Variants in DPH6 observed in about 807,000 individuals in gnomAD.
DPH6 encodes diphthamine biosynthesis 6, also known as diphthine--ammonia ligase.
DPH6 carries 33 observed loss-of-function variants against 38.2 expected under a neutral mutation model. The observed-to-expected ratio is 0.86, with a 90% CI of 0.65 to 1.15. The LOEUF (loss-of-function observed/expected upper bound fraction) is 1.15, where lower values mean the gene tolerates loss of function less well. Ranked by LOEUF, DPH6 falls within the 50% of genes most tolerant of loss-of-function variation. The probability of loss-of-function intolerance (pLI) is 0.00; values close to 1 mark genes in which losing one functional copy is unlikely to be tolerated. For missense variants in DPH6, 325 were observed against 320.0 expected (o/e 1.02, Z -0.12); for synonymous variants, 108 against 103.0 (o/e 1.05, Z -0.30).
At chr15:35,226,602 T>G (rs559398823) in intron 3 of DPH6, among the ~76,000 whole-genome samples, 36 of 152,196 alleles carry the variant, frequency 2.4e-4, no homozygotes, top group Non-Finnish European at 4.4e-4. Context: ...ACAAATAAAA[T>G]TAAATACCTA....
At chr15:35,506,118 G>A (rs1038328589) in intron 3 of DPH6, among the ~76,000 whole-genome samples, 3 of 152,022 alleles carry the variant, frequency 2.0e-5, no homozygotes, top group Non-Finnish European at 2.9e-5. Flanking sequence ...TTTTCTTCCT[G>A]CATCATCAAG....
chr15:35,256,777 C>A (rs1229502925), intron 3 of DPH6, among the ~76,000 whole-genome samples: 2 of 152,214 alleles, frequency 1.3e-5, no homozygotes, highest in East Asian at 3.9e-4. Context: ...GAACATACAT[C>A]CTGACCTAAA....
chr15:35,164,113 A>C, the DPH6 span, among the ~76,000 whole-genome samples: 1 of 151,834 alleles, frequency 6.6e-6, no homozygotes, highest in Non-Finnish European at 1.5e-5. Context: ...AATGACTCAC[A>C]GTAGATGTAA....
intron 3 of DPH6, among the ~76,000 whole-genome samples, chr15:35,458,516 G>A (rs1054152655): frequency 7.9e-5 from 12 of 152,138 alleles, no homozygotes; most frequent in Admixed American, 3.9e-4. Flanking sequence ...GTCAATCTAC[G>A]CCTTAGAAAA....
At chr15:35,210,556 T>G in the DPH6 span, among the ~76,000 whole-genome samples, 1 of 152,224 alleles carries the variant, frequency 6.6e-6, no homozygotes, top group Non-Finnish European at 1.5e-5. Context: ...CTACTTCATA[T>G]GTCATACACT....
intron 3 of DPH6, among the ~76,000 whole-genome samples, chr15:35,496,563 A>ATATATATATATATATATATATATATATAT (rs1555406393): frequency 6.2e-5 from 1 of 16,016 alleles, no homozygotes; most frequent in Non-Finnish European, 1.3e-4. Context: ...CTCAAAAAAA[A>ATATATATATATATATATATATATATATAT]AAAAATATAT....
the DPH6 span, among the ~76,000 whole-genome samples, chr15:35,211,547 T>C: frequency 6.6e-6 from 1 of 152,354 alleles, no homozygotes; most frequent in East Asian, 1.9e-4. Context: ...ACCCATCCAC[T>C]ATCTTTCTAA....
At chr15:35,446,717 A>C (rs1023376243) in intron 5 of DPH6, among the ~76,000 whole-genome samples, 1 of 152,086 alleles carries the variant, frequency 6.6e-6, no homozygotes, top group Non-Finnish European at 1.5e-5. Context: ...TTAACTGTGC[A>C]GGGGGTTGGT....
intron 4 of DPH6, among the ~76,000 whole-genome samples, chr15:35,452,436 G>A (rs930484149): frequency 3.3e-5 from 5 of 152,008 alleles, no homozygotes; most frequent in African/African-American, 4.8e-5. Context: ...AAAACCCAGC[G>A]TCCCTAGCAT....
chr15:35,389,160 T>A (rs1250834923), intron 6 of DPH6, among the ~76,000 whole-genome samples: 1 of 152,206 alleles, frequency 6.6e-6, no homozygotes, highest in African/African-American at 2.4e-5. Flanking sequence ...TTTGAGTGAG[T>A]TTCTCAATCC....
At chr15:35,483,495 A>C (rs1050122335) in intron 3 of DPH6, among the ~76,000 whole-genome samples, 6 of 152,032 alleles carry the variant, frequency 3.9e-5, no homozygotes, top group African/African-American at 7.2e-5. Context: ...AACCAAAAAA[A>C]CCATAATGAG....
At chr15:35,393,379 A>G (rs537434858) in intron 6 of DPH6, among the ~76,000 whole-genome samples, 1 of 152,352 alleles carries the variant, frequency 6.6e-6, no homozygotes, top group African/African-American at 2.4e-5. Flanking sequence ...AAAGAAAAGC[A>G]GAAAAGCATA....
intron 3 of DPH6, among the ~76,000 whole-genome samples, chr15:35,268,524 C>A (rs1039034670): frequency 6.7e-6 from 1 of 149,354 alleles, no homozygotes; most frequent in African/African-American, 2.5e-5. Flanking sequence ...GTTTGCAGCT[C>A]TAAAAAAAAA....
chr15:35,150,270 A>G, the DPH6 span, among the ~76,000 whole-genome samples: 1 of 152,250 alleles, frequency 6.6e-6, no homozygotes, highest in Non-Finnish European at 1.5e-5. Flanking sequence ...GATCAGAGTT[A>G]TAACTAGAAA....
intron 6 of DPH6, among the ~76,000 whole-genome samples, chr15:35,393,920 C>CT (rs1172317923): frequency 1.3e-5 from 2 of 152,192 alleles, no homozygotes; most frequent in Admixed American, 1.3e-4. Context: ...ATATAGAGAA[C>CT]TTAGTATGAG....
chr15:35,191,183 TTTCA>T, the DPH6 span, among the ~76,000 whole-genome samples: 1 of 152,212 alleles, frequency 6.6e-6, no homozygotes, highest in Non-Finnish European at 1.5e-5. Context: ...ACATGCCACA[TTTCA>T]TTGTGTGTCA....
intron 6 of DPH6, among the ~76,000 whole-genome samples, chr15:35,407,006 A>G (rs2053302575): frequency 6.6e-6 from 1 of 151,994 alleles, no homozygotes; most frequent in Non-Finnish European, 1.5e-5. Context: ...AAGGAAAGCT[A>G]AGGAAGTACT....
chr15:35,256,849 T>G (rs897095527), intron 3 of DPH6, among the ~76,000 whole-genome samples: 1 of 152,208 alleles, frequency 6.6e-6, no homozygotes, highest in Admixed American at 6.5e-5. Flanking sequence ...CTGGTATGTG[T>G]GTAAGTGTGT....
chr15:35,261,077 G>A (rs2051743187), intron 3 of DPH6, among the ~76,000 whole-genome samples: 1 of 152,312 alleles, frequency 6.6e-6, no homozygotes. Context: ...GTTCCTGTTG[G>A]AATTTATTTC....
Sources: gnomAD v4.1 joint callset for allele counts (sites outside exome capture counted in the v4.1 genomes callset) on GRCh38, gnomAD v4.1.1 for gene constraint, MANE v1.5 for transcripts, NCBI Gene and HGNC (gene_info 2026-07-23, HGNC 2026-07-21) for gene names.